Variants in PCDHA13 observed in about 807,000 individuals in gnomAD.
The protein encoded by PCDHA13 is protocadherin alpha-13.
In PCDHA13, 54 loss-of-function variants were observed where a neutral mutation model predicts 64.8. That is an observed-to-expected ratio of 0.83 (90% CI 0.67 to 1.04). The LOEUF (loss-of-function observed/expected upper bound fraction) is 1.04, where lower values mean the gene tolerates loss of function less well. Ranked by LOEUF, PCDHA13 falls within the 50% of genes least tolerant of loss-of-function variation. The pLI, the probability that PCDHA13 is intolerant of heterozygous loss-of-function variation, is 0.00. For synonymous variants in PCDHA13, 587 were observed against 564.4 expected (o/e 1.04, Z -0.57); for missense variants, 1,248 against 1,254.3 (o/e 0.99, Z 0.08).
chr5:140,941,190 TTTTTCTTTCTTC>T (rs1475511565), intron 1 of PCDHA13, among the ~76,000 whole-genome samples: 3 of 129,438 alleles, frequency 2.3e-5, no homozygotes, highest in South Asian at 2.5e-4. Context: ...TGCTTCTTTT[TTTTTCTTTCTTC>T]CTTTCTTTCT....
chr5:140,967,659 G>A, intron 1 of PCDHA13: 1 of 1,614,218 alleles, frequency 6.2e-7, no homozygotes, highest in Non-Finnish European at 8.5e-7. Flanking sequence ...TCCTTGAGCA[G>A]CTACACGTCG....
intron 1 of PCDHA13, among the ~76,000 whole-genome samples, chr5:140,886,239 T>C (rs2060904240): frequency 6.6e-6 from 1 of 152,062 alleles, no homozygotes; most frequent in African/African-American, 2.4e-5. Flanking sequence ...ACTTCAGAAA[T>C]AAATAAAAGT....
At chr5:140,967,589 T>C (rs782348275) in intron 1 of PCDHA13, 20 of 1,613,912 alleles carry the variant, frequency 1.2e-5, no homozygotes, top group African/African-American at 1.2e-4. Context: ...CCCAGGCACA[T>C]TGGTGGTGAA....
At chr5:140,967,091 G>A (rs782261207) in intron 1 of PCDHA13, 1 of 1,613,196 alleles carries the variant, frequency 6.2e-7, no homozygotes. Context: ...TGATCGGGAG[G>A]CGCTGTGTGA....
chr5:140,941,402 C>T (rs544909478), intron 1 of PCDHA13, among the ~76,000 whole-genome samples: 12 of 149,674 alleles, frequency 8.0e-5, no homozygotes, highest in African/African-American at 2.5e-4. Flanking sequence ...CTGCAACCTC[C>T]GCCTCCCGGG....
intron 1 of PCDHA13, among the ~76,000 whole-genome samples, chr5:140,888,214 G>GTGTGTGTGCA (rs1387597541): frequency 6.6e-6 from 1 of 152,130 alleles, no homozygotes; most frequent in Admixed American, 6.5e-5. Context: ...TGGATTTTGT[G>GTGTGTGTGCA]TGTGTGTGCA....
chr5:140,887,950 A>G (rs1397658604), intron 1 of PCDHA13, among the ~76,000 whole-genome samples: 1 of 152,110 alleles, frequency 6.6e-6, no homozygotes, highest in Non-Finnish European at 1.5e-5. Context: ...TATCTGTATA[A>G]GATTCTTTTT....
At chr5:140,887,928 A>G (rs1345223604) in intron 1 of PCDHA13, among the ~76,000 whole-genome samples, 1 of 152,138 alleles carries the variant, frequency 6.6e-6, no homozygotes, top group Non-Finnish European at 1.5e-5. Flanking sequence ...TTCAGAGACC[A>G]TATTTATTTC....
chr5:141,003,724 A>C (rs575036478), intron 3 of PCDHA13, among the ~76,000 whole-genome samples: 2 of 151,950 alleles, frequency 1.3e-5, no homozygotes, highest in African/African-American at 4.8e-5. Flanking sequence ...CGGCTAATCC[A>C]ATAAAAAAGC....
chr5:140,994,732 G>T (rs1159331502), intron 3 of PCDHA13, among the ~76,000 whole-genome samples: 3 of 152,114 alleles, frequency 2.0e-5, no homozygotes, highest in Non-Finnish European at 4.4e-5. Flanking sequence ...ACTGGGTATT[G>T]CAGGATGGCA....
chr5:140,895,021 G>T (rs956122734), intron 1 of PCDHA13, among the ~76,000 whole-genome samples: 3 of 151,838 alleles, frequency 2.0e-5, no homozygotes, highest in Non-Finnish European at 4.4e-5. Context: ...TTTTTCCTTT[G>T]TTTAATTGTC....
intron 1 of PCDHA13, among the ~76,000 whole-genome samples, chr5:140,906,513 G>A (rs1398874448): frequency 1.3e-5 from 2 of 152,176 alleles, no homozygotes; most frequent in Non-Finnish European, 2.9e-5. Context: ...AAAGAAGGAG[G>A]AAATACTCAC....
At position 140,882,708 on chromosome 5, in the gene PCDHA13, C is replaced by T; in HGVS notation, c.440C>T (p.Pro147Leu). 2 of 1,614,174 alleles carry T rather than the reference C, an allele frequency of 1.2e-6. No individual in the cohort carries two copies. Among genetic ancestry groups the T allele is most frequent in the Non-Finnish European group, 1.7e-6 (2 of 1,180,030 alleles). ...CGAATAATCATTGCAGAATCTAGAC[C>T]TCCGGAAACTCGATTTCCACTAGAT... is the stretch of plus-strand genomic sequence containing the variant. ...KKRIIIAESRPPETRFPLDGA... is the reference protein window; with the variant it reads ...KKRIIIAESRLPETRFPLDGA... The change falls in exon 1 of 4, where the codon CCT becomes CTT. Residue 147 changes from proline to leucine, a missense_variant. By Grantham distance (98) the Pro-to-Leu change is moderately conservative (BLOSUM62 -3). Coordinates refer to ENST00000289272, the MANE Select transcript of PCDHA13 (RefSeq NM_018904.3).
At position 141,011,912 on chromosome 5, in the gene PCDHA13, T is replaced by C. The variant is rs573561005; in HGVS notation, c.*1975T>C. ...ATTATATTATCTATTTAGGCATTAA[T>C]ATAAAAGAGGTAGGAGTCTGTTATT... On this transcript the variant is annotated 3_prime_UTR_variant, in exon 4 of 4. Coordinates refer to ENST00000289272, the MANE Select transcript of PCDHA13 (RefSeq NM_018904.3). 4 of 153,808 alleles carry C rather than the reference T, an allele frequency of 2.6e-5. No individual in the cohort carries two copies. In the South Asian group the frequency reaches 8.3e-4, roughly 32 times the overall value. 9.5% of individuals were successfully genotyped at this position (153,808 alleles called of 1,614,324 possible).
At chr5:140,956,474 C>G (rs1585669580) in intron 1 of PCDHA13, among the ~76,000 whole-genome samples, 1 of 152,160 alleles carries the variant, frequency 6.6e-6, no homozygotes, top group East Asian at 1.9e-4. Flanking sequence ...ATATGTTGAA[C>G]CAGTCTTGCA....
chr5:140,889,025 A>G (rs2062065518), intron 1 of PCDHA13, among the ~76,000 whole-genome samples: 1 of 152,068 alleles, frequency 6.6e-6, no homozygotes, highest in South Asian at 2.1e-4. Flanking sequence ...TTCCTTGGAT[A>G]ACCGTAATTT....
intron 3 of PCDHA13, among the ~76,000 whole-genome samples, chr5:141,009,322 G>C (rs2098405890): frequency 6.6e-6 from 1 of 152,206 alleles, no homozygotes. Flanking sequence ...AGCCTGGCAT[G>C]GGAGCTTGTG....
intron 1 of PCDHA13, among the ~76,000 whole-genome samples, chr5:140,916,378 A>C (rs772984424): frequency 6.6e-6 from 1 of 152,158 alleles, no homozygotes; most frequent in Non-Finnish European, 1.5e-5. Flanking sequence ...TGTAGCCACC[A>C]CAACTAGGAA....
In PCDHA13 at chr5:140,982,553, T is replaced by A. The variant is rs782605920; in HGVS notation, c.2532T>A (p.Ser844Arg). The A allele has an allele frequency of 1.9e-5, 30 of 1,614,054 alleles. No homozygotes were observed. In the South Asian group the frequency reaches 3.2e-4, roughly 17 times the overall value. ...GPDQQWPTVS[S>R]ATPEPEAGEV... ...ATCAGCAGTGGCCAACAGTATCCAG[T>A]GCAACACCAGGTAAAGAGCTGGGGT... The change falls in exon 3 of 4, where the codon AGT (serine) becomes AGA (arginine). Residue 844 changes from serine (S) to arginine (R), a missense_variant. Transcript: ENST00000289272.
Sources: gnomAD v4.1 joint callset for allele counts (sites outside exome capture counted in the v4.1 genomes callset) on GRCh38, gnomAD v4.1.1 for gene constraint, MANE v1.5 for transcripts, NCBI Gene and HGNC (gene_info 2026-07-23, HGNC 2026-07-21) for gene names.